BRCA2: variants seen among roughly 807,000 people sequenced by gnomAD.
BRCA2 encodes breast cancer type 2 susceptibility protein.
A neutral mutation model predicts 276.7 loss-of-function variants in BRCA2; 203 were observed. That is an observed-to-expected ratio of 0.73 (90% confidence interval 0.65 to 0.82). The LOEUF is 0.82. Ranked by LOEUF, BRCA2 falls within the 40% of genes least tolerant of loss-of-function variation. BRCA2 has a pLI of 0.00. For synonymous variants in BRCA2, 1,289 were observed against 1,338.4 expected (o/e 0.96, Z 0.81); for missense variants, 3,920 against 3,915.0 (o/e 1.00, Z -0.03).
intron 21 of BRCA2, among the ~76,000 whole-genome samples, chr13:32,378,173 CAA>C: frequency 6.6e-6 from 1 of 152,258 alleles, no homozygotes; most frequent in African/African-American, 2.4e-5. Context: ...CAAAATTTAA[CAA>C]TATTTTTTTG....
intron 24 of BRCA2, among the ~76,000 whole-genome samples, 155 bp downstream of exon 24, chr13:32,380,300 A>G (rs978979528): frequency 6.6e-6 from 1 of 152,164 alleles, no homozygotes; most frequent in Non-Finnish European, 1.5e-5. Context: ...TTTTTCATGA[A>G]AAGCAATTCT....
rs1455620830 is a variant in BRCA2 at position 32,398,404 on chromosome 13, A to G, written c.9891A>G (p.Ala3297=). 6.2e-7 allele frequency: 1 copy of G among 1,614,216 alleles called. No homozygotes were observed. Among genetic ancestry groups the G allele is most frequent in the Admixed American group, 1.7e-5 (1 of 60,020 alleles). ...TTGTTTCTCCGGCTGCACAGAAGGCATTTCAGCCACCAAGGAGTTGTGGCA... is the reference window on the plus strand; with the variant it reads ...TTGTTTCTCCGGCTGCACAGAAGGCGTTTCAGCCACCAAGGAGTTGTGGCA... ...CTFVSPAAQK[A]FQPPRSCGTK... Residue 3297 remains alanine, a synonymous_variant, in exon 27 of 27, where the codon GCA becomes GCG. Coordinates refer to ENST00000380152, the MANE Select transcript of BRCA2 (RefSeq NM_000059.4).
intron 24 of BRCA2, among the ~76,000 whole-genome samples, chr13:32,381,768 A>AG (rs1274822987): frequency 7.2e-5 from 11 of 152,164 alleles, no homozygotes; most frequent in Admixed American, 7.2e-4. Flanking sequence ...AATAGGCTGT[A>AG]GGGGGCACAA....
intron 4 of BRCA2, among the ~76,000 whole-genome samples, chr13:32,325,611 G>T (rs2072339428): frequency 6.7e-6 from 1 of 149,968 alleles, no homozygotes. Flanking sequence ...TGCGATCTCA[G>T]CTCACTGCAA....
At chr13:32,355,349 A>C in intron 14 of BRCA2, 61 bp downstream of exon 14, 1 of 1,569,988 alleles carries the variant, frequency 6.4e-7, no homozygotes, top group Non-Finnish European at 8.7e-7. Flanking sequence ...TCCGTTGTTA[A>C]ATAATGTCCT....
chr13:32,330,209 T>C (rs1450675587), intron 8 of BRCA2, among the ~76,000 whole-genome samples: 2 of 152,210 alleles, frequency 1.3e-5, no homozygotes, highest in African/African-American at 4.8e-5. Flanking sequence ...AACCTGTTCA[T>C]GTTTTCTACC....
intron 23 of BRCA2, 40 bp downstream of exon 23, chr13:32,379,953 G>A (rs2137624140): frequency 6.2e-7 from 1 of 1,612,930 alleles, no homozygotes; most frequent in Non-Finnish European, 8.5e-7. Flanking sequence ...TTTGATAAGT[G>A]CTTGTTAGTT....
chr13:32,364,575 A>G (rs2137584902), intron 18 of BRCA2, among the ~76,000 whole-genome samples: 1 of 152,090 alleles, frequency 6.6e-6, no homozygotes, highest in East Asian at 1.9e-4. Flanking sequence ...TGTATACATT[A>G]TAATGACTGA....
chr13:32,356,005 C>T (rs1022941683), intron 14 of BRCA2, among the ~76,000 whole-genome samples: 3 of 150,724 alleles, frequency 2.0e-5, no homozygotes, highest in African/African-American at 7.3e-5. Context: ...ATGTAAACTT[C>T]GAGGAAATTG....
At chr13:32,389,338 G>A (rs974424599) in intron 24 of BRCA2, among the ~76,000 whole-genome samples, 27 of 152,102 alleles carry the variant, frequency 1.8e-4, no homozygotes, top group African/African-American at 4.8e-4. Context: ...ATAGCTTATC[G>A]TATATGTCCA....
In BRCA2 at chr13:32,339,992, G is replaced by A. The variant is rs1057521044; in HGVS notation, c.5637G>A (p.Glu1879=). Residue 1879 remains glutamate, a synonymous_variant, in exon 11 of 27, where the codon GAG becomes GAA. Coordinates refer to ENST00000380152, the MANE Select transcript of BRCA2 (RefSeq NM_000059.4). ...GTAAAGTAATTAAGGAAAACAACGA[G>A]AATAAATCAAAAATTTGCCAAACGA... ...SFSKVIKENN[E]NKSKICQTKI... is the part of the protein sequence containing the mutation. The A allele has an allele frequency of 6.2e-7, 1 of 1,612,370 alleles. No homozygotes were observed. Among genetic ancestry groups the A allele is most frequent in the Non-Finnish European group, 8.5e-7 (1 of 1,179,490 alleles).
rs1387321459 is a variant in BRCA2 at position 32,399,420 on chromosome 13, A to C, written c.*650A>C. On this transcript the variant is annotated 3_prime_UTR_variant, in exon 27 of 27. Transcript: ENST00000380152. ...ATCCTGTTCAAAAGTCAGGATGAAT[A>C]TGAAGAGTGGTGTTTCCTTTTGAGC... 1.1e-5 allele frequency: 2 copies of C among 188,512 alleles called. No individual in the cohort carries two copies. Among genetic ancestry groups the C allele is most frequent in the Non-Finnish European group, 2.2e-5 (2 of 89,568 alleles). 11.7% of individuals were successfully genotyped at this position (188,512 alleles called of 1,614,324 possible).
At position 32,370,992 on chromosome 13, in the gene BRCA2, C is replaced by T. The variant is rs80359104; in HGVS notation, c.8524C>T (p.Arg2842Cys). 4.0e-5 allele frequency: 64 copies of T among 1,613,762 alleles called. No homozygotes were observed. Among genetic ancestry groups the T allele is most frequent in the Middle Eastern group, 1.6e-4 (1 of 6,082 alleles). ...EKTSSGLYIF[R>C]NEREEEKEAA... ...GACATCATCTGGATTATACATATTT[C>T]GCAATGAAAGAGAGGAAGAAAAGGA... Residue 2842 changes from arginine (R) to cysteine (C), a missense_variant, in exon 20 of 27, where the codon CGC (arginine) becomes TGC (cysteine). Arg to Cys is a radical substitution (Grantham distance 180, BLOSUM62 -3). Transcript: ENST00000380152.
chr13:32,358,040 C>A, intron 16 of BRCA2, 111 bp downstream of exon 16: 1 of 1,184,058 alleles, frequency 8.4e-7, no homozygotes, highest in Non-Finnish European at 1.2e-6. Context: ...AATTTTTATG[C>A]ATTTAATTGT....
At chr13:32,372,980 C>T (rs1307897260) in intron 20 of BRCA2, among the ~76,000 whole-genome samples, 1 of 150,786 alleles carries the variant, frequency 6.6e-6, no homozygotes, top group African/African-American at 2.4e-5. Flanking sequence ...GAAACCTAGC[C>T]AGGCAATCAA....
chr13:32,369,803 A>G (rs2072814937), intron 18 of BRCA2, among the ~76,000 whole-genome samples: 1 of 152,056 alleles, frequency 6.6e-6, no homozygotes, highest in South Asian at 2.1e-4. Context: ...CGAACTCCTG[A>G]CCTCAGGTGA....
chr13:32,351,101 G>GC (rs1169034775), intron 13 of BRCA2, among the ~76,000 whole-genome samples: 1 of 152,188 alleles, frequency 6.6e-6, no homozygotes, highest in Non-Finnish European at 1.5e-5. Context: ...GGCCACCTGA[G>GC]CCAGCCCCAG....
chr13:32,384,560 C>G (rs1417925098), intron 24 of BRCA2: 2 of 159,770 alleles, frequency 1.3e-5, no homozygotes, highest in Non-Finnish European at 2.8e-5. Flanking sequence ...AGCTCTTGGC[C>G]CCAAGGCAAG....
At chr13:32,344,885 A>C (rs1218344769) in intron 12 of BRCA2, among the ~76,000 whole-genome samples, 1 of 152,178 alleles carries the variant, frequency 6.6e-6, no homozygotes, top group Non-Finnish European at 1.5e-5. Context: ...AAATTGATTA[A>C]TGTTAAAATT....
Sources: gnomAD v4.1 joint callset for allele counts (sites outside exome capture counted in the v4.1 genomes callset) on GRCh38, gnomAD v4.1.1 for gene constraint, MANE v1.5 for transcripts, NCBI Gene and HGNC (gene_info 2026-07-23, HGNC 2026-07-21) for gene names.